ANAPC10: variants seen among roughly 807,000 people sequenced by gnomAD.
The protein encoded by ANAPC10 is anaphase-promoting complex subunit 10.
ANAPC10 carries 12 observed loss-of-function variants against 22.0 expected under a neutral mutation model. That is an observed-to-expected ratio of 0.55 (90% CI 0.35 to 0.88). The LOEUF is 0.88. ANAPC10 is among the 40% of genes least tolerant of loss of function. The pLI is 0.01. For synonymous variants in ANAPC10, 65 were observed against 69.5 expected (o/e 0.94, Z 0.32); for missense variants, 188 against 220.9 (o/e 0.85, Z 0.94).
intron 4 of ANAPC10, among the ~76,000 whole-genome samples, chr4:145,034,027 C>T (rs1030296303): frequency 6.6e-6 from 1 of 152,070 alleles, no homozygotes; most frequent in Non-Finnish European, 1.5e-5. Context: ...TCTGGTTGTA[C>T]GAAGGATAGT....
At chr4:145,036,995 C>CGTGTGTGTGTGTGTGTGTGTGT (rs202100756) in intron 4 of ANAPC10, among the ~76,000 whole-genome samples, 2 of 131,122 alleles carry the variant, frequency 1.5e-5, no homozygotes, top group African/African-American at 5.8e-5. Context: ...AAATAGATAA[C>CGTGTGTGTGTGTGTGTGTGTGT]GTGTGTGTGT....
intron 3 of ANAPC10, among the ~76,000 whole-genome samples, chr4:145,072,495 T>C (rs1744630032): frequency 1.3e-5 from 2 of 152,206 alleles, no homozygotes; most frequent in South Asian, 2.1e-4. Context: ...CAAACTTGTT[T>C]GTAATATAAT....
chr4:145,082,431 G>A (rs1746207188), intron 2 of ANAPC10, among the ~76,000 whole-genome samples: 1 of 152,182 alleles, frequency 6.6e-6, no homozygotes, highest in East Asian at 1.9e-4. Flanking sequence ...TTACAGGCGT[G>A]AGCCACCACG....
chr4:145,064,727 A>T, intron 3 of ANAPC10, 35 bp from the exon 4 acceptor site: 2 of 1,466,998 alleles, frequency 1.4e-6, no homozygotes, highest in Non-Finnish European at 1.8e-6. Flanking sequence ...CATGCACTTC[A>T]TCATATGAAA....
intron 4 of ANAPC10, among the ~76,000 whole-genome samples, chr4:145,000,938 G>A (rs549549101): frequency 2.6e-5 from 4 of 151,974 alleles, no homozygotes; most frequent in African/African-American, 7.3e-5. Flanking sequence ...GCCAACTATC[G>A]CAAGGACAGA....
intron 2 of ANAPC10, among the ~76,000 whole-genome samples, chr4:145,095,175 A>G (rs1303929058): frequency 6.6e-6 from 1 of 152,218 alleles, no homozygotes; most frequent in African/African-American, 2.4e-5. Flanking sequence ...TTAAAATCAG[A>G]CCAGTGTACA....
intron 4 of ANAPC10, among the ~76,000 whole-genome samples, chr4:145,031,422 T>A (rs1295122515): frequency 6.6e-6 from 1 of 152,200 alleles, no homozygotes; most frequent in Non-Finnish European, 1.5e-5. Flanking sequence ...ATATTCCTTC[T>A]AAGGTGAAGG....
chr4:145,063,499 T>G (rs1043261254), intron 4 of ANAPC10, among the ~76,000 whole-genome samples: 1 of 152,130 alleles, frequency 6.6e-6, no homozygotes, highest in Admixed American at 6.5e-5. Flanking sequence ...GGTCTTAATA[T>G]AAACACTAAG....
rs1748899012 is a variant in ANAPC10 at position 145,098,175 on chromosome 4, G to T, written c.-68C>A. 1 of 152,640 alleles carries T rather than the reference G, an allele frequency of 6.6e-6. No homozygotes were observed. 9.5% of individuals were successfully genotyped at this position (152,640 alleles called of 1,614,324 possible). A position where few individuals can be genotyped will look rare whatever the true frequency, so the allele number is the denominator to read the frequency against. ...CAGATTCTCGGCACCTCCAGCAGCT[G>T]GCTTCGCCAACGGCGTTGAACAAGG... On this transcript the variant is annotated 5_prime_UTR_variant, in exon 1 of 5. Coordinates refer to ENST00000507656, the MANE Select transcript of ANAPC10 (RefSeq NM_001256706.2).
intron 4 of ANAPC10, among the ~76,000 whole-genome samples, chr4:145,039,398 A>C (rs985423601): frequency 6.6e-6 from 1 of 152,342 alleles, no homozygotes. Flanking sequence ...AGTAGTGTGA[A>C]TTATATAGGA....
intron 4 of ANAPC10, among the ~76,000 whole-genome samples, chr4:145,044,769 G>C (rs1347377300): frequency 6.6e-6 from 1 of 151,784 alleles, no homozygotes; most frequent in East Asian, 1.9e-4. Flanking sequence ...TAACTAATGG[G>C]CTTTTTAGTT....
intron 4 of ANAPC10, among the ~76,000 whole-genome samples, chr4:145,047,760 G>A (rs556795900): frequency 0.017 from 2,537 of 152,134 alleles, 80 homozygotes; most frequent in African/African-American, 0.057. Context: ...AAATTGATGA[G>A]ATTATTGTTC....
chr4:145,051,578 G>C (rs1366317139), intron 4 of ANAPC10, among the ~76,000 whole-genome samples: 3 of 152,034 alleles, frequency 2.0e-5, no homozygotes, highest in African/African-American at 7.2e-5. Context: ...CATAAAATGA[G>C]GTAGGCCTGT....
At chr4:145,031,505 G>A (rs1737574263) in intron 4 of ANAPC10, among the ~76,000 whole-genome samples, 1 of 152,198 alleles carries the variant, frequency 6.6e-6, no homozygotes, top group East Asian at 1.9e-4. Context: ...ATTGGATTCT[G>A]AAGGCAACAC....
intron 3 of ANAPC10, among the ~76,000 whole-genome samples, chr4:145,067,832 C>T (rs1335801408): frequency 1.3e-5 from 2 of 152,164 alleles, no homozygotes; most frequent in Non-Finnish European, 2.9e-5. Flanking sequence ...GCTAAAAGAT[C>T]CAACTTCCCT....
chr4:144,998,077 A>G (rs1479076629), intron 4 of ANAPC10, among the ~76,000 whole-genome samples: 6 of 152,208 alleles, frequency 3.9e-5, no homozygotes, highest in African/African-American at 1.4e-4. Context: ...CCAGATTCAT[A>G]AAGCAAGTCC....
intron 3 of ANAPC10, among the ~76,000 whole-genome samples, chr4:145,080,335 T>G (rs1745817974): frequency 6.6e-6 from 1 of 152,084 alleles, no homozygotes; most frequent in Non-Finnish European, 1.5e-5. Context: ...ATGTACTCCC[T>G]TAAACTAAAA....
chr4:145,032,698 G>A (rs1258145997), intron 4 of ANAPC10, among the ~76,000 whole-genome samples: 2 of 152,168 alleles, frequency 1.3e-5, no homozygotes, highest in Non-Finnish European at 2.9e-5. Context: ...AGGCTGACGT[G>A]GCTACGGCCA....
intron 4 of ANAPC10, among the ~76,000 whole-genome samples, chr4:145,001,208 G>A (rs998756751): frequency 4.1e-4 from 54 of 131,548 alleles, no homozygotes; most frequent in Admixed American, 7.8e-4. Context: ...AAGAAAGAAG[G>A]AAGGAGGGAG....
Sources: allele counts gnomAD v4.1 joint callset (sites outside exome capture counted in the v4.1 genomes callset), GRCh38; gene constraint gnomAD v4.1.1; transcripts MANE v1.5; gene names NCBI Gene and HGNC (gene_info 2026-07-23, HGNC 2026-07-21).